PDLIM5: variants seen among roughly 807,000 people sequenced by gnomAD.
PDLIM5 encodes the protein PDZ and LIM domain protein 5.
PDLIM5 carries 34 observed loss-of-function variants against 64.2 expected under a neutral mutation model. The ratio of observed to expected loss-of-function variants is 0.53; its 90% CI spans 0.40 to 0.71. PDLIM5 has a LOEUF of 0.71. PDLIM5 is among the 30% of genes least tolerant of loss of function. PDLIM5 has a pLI of 0.00. For missense variants in PDLIM5, 683 were observed against 733.6 expected (o/e 0.93, Z 0.80); for synonymous variants, 253 against 269.1 (o/e 0.94, Z 0.59).
chr4:94,639,025 T>C lies in PDLIM5; in HGVS notation c.1109-1251T>C, dbSNP rs541874628. Among the ~76,000 whole-genome samples, 137 of 152,170 alleles carry C rather than the reference T, an allele frequency of 9.0e-4. 5 individuals are homozygous for C. In the South Asian group the frequency reaches 0.027, roughly 30 times the overall value. On this transcript the variant is annotated intron_variant, in intron 8 of 12. Coordinates refer to ENST00000317968, the MANE Select transcript of PDLIM5 (RefSeq NM_006457.5). ...TTTAATCCAGATTATATGGAGAGCG[T>C]TGGGGAGAAATGTAATTCAGGGAGA...
intron 7 of PDLIM5, among the ~76,000 whole-genome samples, chr4:94,590,076 G>A (rs1221273924): frequency 6.6e-6 from 1 of 152,116 alleles, no homozygotes; most frequent in African/African-American, 2.4e-5. Context: ...ACCATGCCTG[G>A]CCTCAACATT....
intron 7 of PDLIM5, among the ~76,000 whole-genome samples, chr4:94,597,429 A>T (rs1009915383): frequency 6.6e-6 from 1 of 152,212 alleles, no homozygotes; most frequent in Admixed American, 6.5e-5. Flanking sequence ...TCCTTTATAT[A>T]TGAAAGGTAA....
chr4:94,596,938 T>C (rs979710345), intron 7 of PDLIM5, among the ~76,000 whole-genome samples: 1 of 152,114 alleles, frequency 6.6e-6, no homozygotes, highest in African/African-American at 2.4e-5. Flanking sequence ...TAAAGGGTAT[T>C]GTTTGAATGC....
chr4:94,454,283 CCT>C (rs1338950029), intron 1 of PDLIM5, among the ~76,000 whole-genome samples: 6 of 150,458 alleles, frequency 4.0e-5, no homozygotes, highest in African/African-American at 1.2e-4. Context: ...AAACTTCATT[CCT>C]CTGTCTCCTG....
rs1208820840 is a variant in PDLIM5 at position 94,633,577 on chromosome 4, T to C, written c.1109-6699T>C. 2.0e-5 allele frequency among the ~76,000 whole-genome samples: 3 copies of C among 152,166 alleles called. 1 individual carries two copies. Among genetic ancestry groups the C allele is most frequent in the Admixed American group, 2.0e-4 (3 of 15,278 alleles). ...TAGAATCAGCAATTTCTCTAAGACG[T>C]CTGGTTCCCTTTAGTAGAAAGACAA... On this transcript the variant is annotated intron_variant, in intron 8 of 12. Transcript: ENST00000317968.
chr4:94,616,690 A>T (rs1359404177), intron 7 of PDLIM5, among the ~76,000 whole-genome samples: 1 of 152,194 alleles, frequency 6.6e-6, no homozygotes. Flanking sequence ...AGCGTGTTTT[A>T]TCATCAAACA....
chr4:94,468,214 A>T (rs112518720), intron 2 of PDLIM5, among the ~76,000 whole-genome samples: 1 of 151,874 alleles, frequency 6.6e-6, no homozygotes, highest in African/African-American at 2.4e-5. Flanking sequence ...GTGCAGTGGC[A>T]CAATCAGAGC....
At chr4:94,510,640 A>G (rs1195777033) in intron 2 of PDLIM5, among the ~76,000 whole-genome samples, 5 of 152,098 alleles carry the variant, frequency 3.3e-5, no homozygotes, top group African/African-American at 9.7e-5. Flanking sequence ...CGTCTTTTTC[A>G]TCTTAGACCC....
intron 3 of PDLIM5, among the ~76,000 whole-genome samples, chr4:94,553,160 T>C (rs1732964436): frequency 6.6e-6 from 1 of 152,160 alleles, no homozygotes; most frequent in Non-Finnish European, 1.5e-5. Context: ...GGTCTCACTC[T>C]GATGCCCAGG....
intron 1 of PDLIM5, among the ~76,000 whole-genome samples, chr4:94,452,944 C>A (rs771053550): frequency 1.1e-4 from 17 of 152,224 alleles, no homozygotes; most frequent in Non-Finnish European, 2.4e-4. Context: ...TACCTACATT[C>A]TCTCTCCATT....
chr4:94,551,447 A>C (rs987939259), intron 3 of PDLIM5, among the ~76,000 whole-genome samples: 1 of 152,144 alleles, frequency 6.6e-6, no homozygotes, highest in Non-Finnish European at 1.5e-5. Flanking sequence ...ATTCTCCCAA[A>C]TCAAGACCCT....
intron 12 of PDLIM5, among the ~76,000 whole-genome samples, 192 bp from the exon 13 acceptor site, chr4:94,663,786 C>A (rs1742921740): frequency 6.6e-6 from 1 of 152,094 alleles, no homozygotes; most frequent in Admixed American, 6.6e-5. Context: ...AGCAATTTTT[C>A]ATTGCTTTTG....
intron 7 of PDLIM5, among the ~76,000 whole-genome samples, chr4:94,602,189 G>C (rs950173615): frequency 6.6e-6 from 1 of 152,088 alleles, no homozygotes; most frequent in Non-Finnish European, 1.5e-5. Flanking sequence ...AAAACTCGTC[G>C]TGTGGGTATG....
rs188643835 is a variant in PDLIM5, at chr4:94,477,185, C to T, written c.96+21801C>T. ...GGTTTTAGAGATCTGGGTGGAGTTA[C>T]TATTGGCAGTTATCCATTCTTTTCT... On this transcript the variant is annotated intron_variant, in intron 2 of 12. Coordinates refer to ENST00000317968, the MANE Select transcript of PDLIM5 (RefSeq NM_006457.5). Among the ~76,000 whole-genome samples the T allele has an allele frequency of 2.2e-3, 340 of 152,206 alleles. 2 individuals carry two copies. Among genetic ancestry groups the T allele is most frequent in the African/African-American group, 7.8e-3 (325 of 41,546 alleles).
At chr4:94,632,000 C>T (rs1044327876) in intron 8 of PDLIM5, among the ~76,000 whole-genome samples, 3 of 152,240 alleles carry the variant, frequency 2.0e-5, no homozygotes, top group Admixed American at 6.5e-5. Flanking sequence ...TCTGTACAGG[C>T]GCCTCCAACT....
chr4:94,582,887 A>G (rs946970454), intron 5 of PDLIM5: 5 of 599,550 alleles, frequency 8.3e-6, no homozygotes, highest in Non-Finnish European at 1.2e-5. Context: ...TTTATGCTAG[A>G]TAATTTTGTA....
chr4:94,514,723 T>C (rs1361922556), intron 2 of PDLIM5, among the ~76,000 whole-genome samples: 1 of 152,208 alleles, frequency 6.6e-6, no homozygotes, highest in Non-Finnish European at 1.5e-5. Flanking sequence ...TACTTACTAT[T>C]GGTCTGTTCA....
At chr4:94,510,845 T>C (rs927992175) in intron 2 of PDLIM5, among the ~76,000 whole-genome samples, 8 of 151,572 alleles carry the variant, frequency 5.3e-5, no homozygotes, top group African/African-American at 1.7e-4. Context: ...CCATCTCTAC[T>C]AAAAAAATAC....
At chr4:94,540,223 C>T (rs1466587440) in intron 3 of PDLIM5, among the ~76,000 whole-genome samples, 3 of 151,590 alleles carry the variant, frequency 2.0e-5, no homozygotes, top group Non-Finnish European at 2.9e-5. Flanking sequence ...CTCTGCCTCC[C>T]GGGTTCACAC....
Sources: gnomAD v4.1 joint callset for allele counts (sites outside exome capture counted in the v4.1 genomes callset) on GRCh38, gnomAD v4.1.1 for gene constraint, MANE v1.5 for transcripts, NCBI Gene and HGNC (gene_info 2026-07-23, HGNC 2026-07-21) for gene names.